Variants in PRPF39 observed in about 807,000 individuals in gnomAD.
PRPF39 encodes the protein pre-mRNA processing factor 39, also known as pre-mRNA-processing factor 39.
In PRPF39, 27 loss-of-function variants were observed where a neutral mutation model predicts 82.1. That is an observed-to-expected ratio of 0.33 (90% CI 0.24 to 0.45). The LOEUF (loss-of-function observed/expected upper bound fraction) is 0.45. Ranked by LOEUF, PRPF39 falls within the 20% of genes least tolerant of loss-of-function variation. The probability of loss-of-function intolerance (pLI) is 1.00; values close to 1 mark genes in which losing one functional copy is unlikely to be tolerated. For synonymous variants in PRPF39, 261 were observed against 256.4 expected (o/e 1.02, Z -0.17); for missense variants, 581 against 796.9 (o/e 0.73, Z 3.26).
At position 45,095,548 on chromosome 14, in the gene PRPF39, A is replaced by G. The variant is rs918257869; in HGVS notation, c.309A>G (p.Gln103=). The change falls in exon 2 of 14, where the codon CAA becomes CAG. Residue 103 remains glutamine (Q), a synonymous_variant. Transcript: ENST00000355765. ...TTACAGGCTGGGTATATTTGCTTCA[A>G]TATGTAGAACAGGAGGTTAGTAACT... The part of the protein sequence containing the change: ...QDFTGWVYLL[Q]YVEQENHLMA... 3.7e-6 allele frequency: 6 copies of G among 1,602,368 alleles called. No homozygotes were observed. In the Middle Eastern group the frequency reaches 5.0e-4, roughly 132 times the overall value.
chr14:45,111,835 A>G (rs1008910489), intron 10 of PRPF39, among the ~76,000 whole-genome samples: 5 of 145,672 alleles, frequency 3.4e-5, no homozygotes, highest in African/African-American at 1.3e-4. Flanking sequence ...ATGGGGTTTT[A>G]CCATGTTGGC....
chr14:45,085,653 T>C (rs1883800471), intron 1 of PRPF39, among the ~76,000 whole-genome samples: 1 of 152,182 alleles, frequency 6.6e-6, no homozygotes, highest in African/African-American at 2.4e-5. Context: ...GAACACAGTG[T>C]TTAATATGTA....
chr14:45,104,931 T>C (rs1397662446), intron 5 of PRPF39, among the ~76,000 whole-genome samples: 1 of 152,240 alleles, frequency 6.6e-6, no homozygotes, highest in Non-Finnish European at 1.5e-5. Flanking sequence ...TCTGTGAAAT[T>C]TTCTCTGGTT....
At chr14:45,104,295 A>G (rs1340693040) in intron 5 of PRPF39, among the ~76,000 whole-genome samples, 3 of 152,156 alleles carry the variant, frequency 2.0e-5, no homozygotes, top group Non-Finnish European at 4.4e-5. Context: ...CTATAATCTG[A>G]TATTTTTCAC....
intron 7 of PRPF39, 37 bp downstream of exon 7, chr14:45,108,559 A>G (rs1309286777): frequency 6.4e-7 from 1 of 1,557,646 alleles, no homozygotes; most frequent in South Asian, 1.2e-5. Flanking sequence ...TTTAAAATAC[A>G]AAGTAGGAAT....
chr14:45,090,947 TG>T (rs1884002996), intron 1 of PRPF39, among the ~76,000 whole-genome samples: 1 of 152,214 alleles, frequency 6.6e-6, no homozygotes, highest in Non-Finnish European at 1.5e-5. Flanking sequence ...TAGATTTACC[TG>T]GTTATAGCTA....
intron 12 of PRPF39, 99 bp from the exon 13 acceptor site, chr14:45,114,395 A>C (rs1442968294): frequency 1.1e-5 from 15 of 1,380,946 alleles, no homozygotes; most frequent in Non-Finnish European, 1.5e-5. Context: ...TGAGTGATTC[A>C]GAACTTCAGT....
intron 5 of PRPF39, among the ~76,000 whole-genome samples, chr14:45,104,171 T>C (rs572779100): frequency 5.3e-4 from 80 of 152,292 alleles, no homozygotes; most frequent in African/African-American, 1.8e-3. Context: ...TAAATAAATA[T>C]CCCACTAGGC....
chr14:45,114,884 G>A lies in PRPF39; in HGVS notation c.1981G>A (p.Gly661Arg). 6.3e-7 allele frequency: 1 copy of A among 1,599,584 alleles called. No individual in the cohort carries two copies. Among genetic ancestry groups the A allele is most frequent in the Non-Finnish European group, 8.6e-7 (1 of 1,167,710 alleles). Reference sequence around the variant, plus strand: ...CAATTATCAGAATCCTTGGAATTATGGACAATATTATCCTCCCCCTCCAAC... The same window carrying A: ...CAATTATCAGAATCCTTGGAATTATAGACAATATTATCCTCCCCCTCCAAC... ...QYNYQNPWNY[G>R]QYYPPPPT Residue 661 changes from glycine (G) to arginine (R), a missense_variant, in exon 14 of 14, where the codon GGA (glycine) becomes AGA (arginine). Physicochemically the swap from Gly to Arg is moderately radical, Grantham distance 125 (BLOSUM62 -2). Coordinates refer to ENST00000355765, the MANE Select transcript of PRPF39 (RefSeq NM_017922.4).
In PRPF39 at chr14:45,096,240, A is replaced by C. The variant is rs753270883; in HGVS notation, c.450+12A>C. On this transcript the variant is annotated intron_variant, in intron 3 of 13. Coordinates refer to ENST00000355765, the MANE Select transcript of PRPF39 (RefSeq NM_017922.4). ...AACCATCAGATGAGGTGCGTACATC[A>C]CTGAATAAACTTATCTCCAATAGGT... The C allele has an allele frequency of 6.3e-7, 1 of 1,579,948 alleles. No homozygotes were observed. Among genetic ancestry groups the C allele is most frequent in the South Asian group, 1.2e-5 (1 of 85,422 alleles).
intron 1 of PRPF39, among the ~76,000 whole-genome samples, chr14:45,086,230 C>T (rs1053579485): frequency 3.9e-5 from 6 of 152,156 alleles, no homozygotes; most frequent in East Asian, 1.9e-4. Flanking sequence ...CATGAGCCAC[C>T]GTGCCCGGCC....
intron 4 of PRPF39, among the ~76,000 whole-genome samples, chr14:45,099,738 C>T (rs1884315764): frequency 6.6e-6 from 1 of 152,182 alleles, no homozygotes; most frequent in Non-Finnish European, 1.5e-5. Context: ...GCCACCACGC[C>T]CGGCCCAGAT....
chr14:45,107,666 T>C (rs1403290826), intron 6 of PRPF39, 50 bp downstream of exon 6: 2 of 1,511,018 alleles, frequency 1.3e-6, no homozygotes, highest in East Asian at 2.5e-5. Flanking sequence ...TGGTGGCTTA[T>C]GCCTGTAATC....
intron 4 of PRPF39, among the ~76,000 whole-genome samples, chr14:45,102,014 C>G (rs1884391034): frequency 6.6e-6 from 1 of 151,916 alleles, no homozygotes; most frequent in African/African-American, 2.4e-5. Flanking sequence ...ACCATGTTGG[C>G]CATGTTGATC....
At chr14:45,102,149 G>T (rs1030091703) in intron 4 of PRPF39, among the ~76,000 whole-genome samples, 2 of 152,112 alleles carry the variant, frequency 1.3e-5, no homozygotes, top group Admixed American at 1.3e-4. Context: ...CTTAAATTGA[G>T]ATAAAATTTG....
intron 5 of PRPF39, among the ~76,000 whole-genome samples, chr14:45,106,385 C>A (rs1203908086): frequency 1.3e-5 from 2 of 151,954 alleles, no homozygotes; most frequent in African/African-American, 4.8e-5. Context: ...TGAGGGTATT[C>A]ATTTTCAGAT....
chr14:45,096,944 A>G lies in PRPF39; in HGVS notation c.508A>G (p.Ile170Val), dbSNP rs1294954634. The change falls in exon 4 of 14, where the codon ATA becomes GTA. Residue 170 changes from isoleucine to valine, a missense_variant. By Grantham distance (29) the Ile-to-Val change is conservative. Transcript: ENST00000355765. ...PLSVDLWIHY[I>V]NFLKETLDPG... is the part of the protein sequence containing the mutation. ...TAGTGTTGACCTTTGGATACATTAT[A>G]TAAACTTCTTAAAAGAAACATTGGA... is the stretch of plus-strand genomic sequence containing the variant. 6 of 1,552,752 alleles carry G rather than the reference A, an allele frequency of 3.9e-6. No homozygotes were observed. The highest frequency in any genetic ancestry group is 3.5e-6 in the Non-Finnish European group (4 of 1,147,896).
At chr14:45,087,120 T>G (rs71412983) in intron 1 of PRPF39, among the ~76,000 whole-genome samples, 1 of 152,114 alleles carries the variant, frequency 6.6e-6, no homozygotes, top group Non-Finnish European at 1.5e-5. Flanking sequence ...TTTTTTAAGG[T>G]GTATTATTTC....
chr14:45,108,635 C>A, intron 7 of PRPF39, 113 bp downstream of exon 7: 1 of 1,320,008 alleles, frequency 7.6e-7, no homozygotes. Context: ...CATATTTAAG[C>A]CATAACTTCA....
Sources: allele counts gnomAD v4.1 joint callset (sites outside exome capture counted in the v4.1 genomes callset), GRCh38; gene constraint gnomAD v4.1.1; transcripts MANE v1.5; gene names NCBI Gene and HGNC (gene_info 2026-07-23, HGNC 2026-07-21).